The following SYN3 variants were observed in gnomAD, a reference collection of about 807,000 sequenced individuals.
SYN3 encodes synapsin III.
Under a neutral mutation model 65.8 loss-of-function variants are expected in SYN3, and 35 were observed. That is an observed-to-expected ratio of 0.53 (90% confidence interval 0.41 to 0.70). The LOEUF (loss-of-function observed/expected upper bound fraction) is 0.70. Among genes scored for constraint, SYN3 ranks in the 30% least tolerant of loss-of-function variants. The probability of loss-of-function intolerance (pLI) is 0.00; values close to 1 mark genes in which losing one functional copy is unlikely to be tolerated. For synonymous variants in SYN3, 270 were observed against 292.9 expected, an observed-to-expected ratio of 0.92 and a Z score of 0.80; for missense variants, 680 against 749.0, an observed-to-expected ratio of 0.91 and a Z score of 1.08.
intron 6 of SYN3, among the ~76,000 whole-genome samples, chr22:32,660,147 G>C (rs1301568538): frequency 2.0e-5 from 3 of 152,152 alleles, no homozygotes; most frequent in African/African-American, 4.8e-5. Context: ...TGCTGCTAGA[G>C]GCTATGAGAG....
intron 4 of SYN3, among the ~76,000 whole-genome samples, chr22:32,901,182 A>C (rs2146526969): frequency 6.6e-6 from 1 of 152,370 alleles, no homozygotes; most frequent in African/African-American, 2.4e-5. Context: ...AACATTGACT[A>C]ATACACAGTT....
chr22:32,679,207 C>T (rs1414032848), intron 6 of SYN3, among the ~76,000 whole-genome samples: 3 of 151,960 alleles, frequency 2.0e-5, no homozygotes, highest in African/African-American at 7.3e-5. Flanking sequence ...CACCCACAAC[C>T]ACATCCAGCT....
At chr22:32,776,952 C>T (rs1359145446) in intron 6 of SYN3, among the ~76,000 whole-genome samples, 1 of 152,140 alleles carries the variant, frequency 6.6e-6, no homozygotes, top group South Asian at 2.1e-4. Context: ...CGTGGGTGAA[C>T]TCACAGATGT....
At chr22:32,827,017 C>G (rs1455029867) in intron 6 of SYN3, among the ~76,000 whole-genome samples, 1 of 152,192 alleles carries the variant, frequency 6.6e-6, no homozygotes, top group Non-Finnish European at 1.5e-5. Flanking sequence ...CCCTGCTGCT[C>G]TGAGCACTGA....
Position 32,513,507 on chromosome 22 carries a change from G to A in SYN3, c.*185C>T. The stretch of plus-strand genomic sequence containing the variant: ...GCCCACCTCACAGTCAGACAATGCT[G>A]GAATGTCACGGTGAAGGAAAATGGG... On this transcript the variant is annotated 3_prime_UTR_variant, in exon 14 of 14. Coordinates refer to ENST00000358763, the MANE Select transcript of SYN3 (RefSeq NM_003490.4). The A allele has an allele frequency of 1.3e-6, 1 of 782,614 alleles. No homozygotes were observed. The highest frequency in any genetic ancestry group is 2.8e-5 in the East Asian group (1 of 35,394). The allele number at this position is 782,614 out of a possible 1,614,324, so 48.5% of individuals were successfully genotyped here.
intron 6 of SYN3, among the ~76,000 whole-genome samples, chr22:32,729,188 C>T (rs1472936015): frequency 6.6e-6 from 1 of 152,242 alleles, no homozygotes; most frequent in Non-Finnish European, 1.5e-5. Flanking sequence ...AGAACAGGGA[C>T]CTCTCATTCT....
chr22:32,522,770 A>C (rs1364856844), intron 12 of SYN3, among the ~76,000 whole-genome samples: 1 of 152,120 alleles, frequency 6.6e-6, no homozygotes. Context: ...ATGGACAAGC[A>C]CCCCATCCTT....
chr22:32,938,593 T>C (rs1292791998), intron 3 of SYN3, among the ~76,000 whole-genome samples: 1 of 151,144 alleles, frequency 6.6e-6, no homozygotes, highest in African/African-American at 2.4e-5. Context: ...AAAACAACTG[T>C]CGGTATGGAA....
chr22:32,587,222 C>CAAAAAAA (rs11341864), intron 7 of SYN3, among the ~76,000 whole-genome samples: 1 of 86,434 alleles, frequency 1.2e-5, no homozygotes, highest in Non-Finnish European at 2.3e-5. Context: ...GCTCTTATCT[C>CAAAAAAA]AAAAAAAAAA....
intron 4 of SYN3, among the ~76,000 whole-genome samples, chr22:32,913,836 T>C (rs540149099): frequency 6.6e-6 from 1 of 152,346 alleles, no homozygotes; most frequent in Admixed American, 6.5e-5. Flanking sequence ...CAGGTCTCAC[T>C]GTTTATTGGC....
intron 4 of SYN3, among the ~76,000 whole-genome samples, chr22:32,922,103 T>C (rs1481852269): frequency 1.3e-5 from 2 of 152,226 alleles, no homozygotes; most frequent in Non-Finnish European, 2.9e-5. Context: ...CTTTTCCTTG[T>C]TCCCCACCTA....
intron 4 of SYN3, among the ~76,000 whole-genome samples, chr22:32,889,882 T>C (rs1401564746): frequency 6.6e-6 from 1 of 152,038 alleles, no homozygotes; most frequent in Non-Finnish European, 1.5e-5. Context: ...AATCAAAGGC[T>C]TTGAATGTAT....
chr22:32,679,839 C>CTTTTTTTTTTTTTGTTTTTTTTTTTT (rs2060498062), intron 6 of SYN3, among the ~76,000 whole-genome samples: 1 of 39,150 alleles, frequency 2.6e-5, no homozygotes, highest in African/African-American at 9.1e-5. Context: ...TGTTTTTTGG[C>CTTTTTTTTTTTTTGTTTTTTTTTTTT]TTTTTTTTTT....
At chr22:33,051,854 G>C (rs1323682749) in intron 1 of SYN3, among the ~76,000 whole-genome samples, 1 of 152,152 alleles carries the variant, frequency 6.6e-6, no homozygotes, top group Non-Finnish European at 1.5e-5. Context: ...ATTAGAAGTG[G>C]TTTCAGAGAT....
At chr22:32,521,916 T>C (rs1258983963) in intron 12 of SYN3, among the ~76,000 whole-genome samples, 1 of 152,252 alleles carries the variant, frequency 6.6e-6, no homozygotes, top group East Asian at 1.9e-4. Flanking sequence ...TAACTCTTTG[T>C]TGAGTCCCTA....
intron 7 of SYN3, among the ~76,000 whole-genome samples, chr22:32,586,043 T>C (rs920342689): frequency 2.9e-5 from 4 of 139,538 alleles, no homozygotes; most frequent in South Asian, 2.2e-4. Flanking sequence ...TATATGTATA[T>C]GTATATATGT....
At chr22:32,547,932 T>C (rs1241543888) in intron 7 of SYN3, among the ~76,000 whole-genome samples, 2 of 152,208 alleles carry the variant, frequency 1.3e-5, no homozygotes, top group Non-Finnish European at 2.9e-5. Context: ...TGGCCCTCGT[T>C]ATTCTATGGA....
intron 6 of SYN3, among the ~76,000 whole-genome samples, chr22:32,719,982 T>C (rs955034730): frequency 5.3e-5 from 8 of 152,324 alleles, no homozygotes; most frequent in South Asian, 2.1e-4. Context: ...CTGCTGACAA[T>C]TGGATCCCAG....
chr22:32,965,145 G>A (rs2051789242), intron 3 of SYN3, among the ~76,000 whole-genome samples: 1 of 152,202 alleles, frequency 6.6e-6, no homozygotes, highest in Non-Finnish European at 1.5e-5. Flanking sequence ...ACTCTGTGGG[G>A]TGGTGATGAA....
Sources: allele counts gnomAD v4.1 joint callset (sites outside exome capture counted in the v4.1 genomes callset), GRCh38; gene constraint gnomAD v4.1.1; transcripts MANE v1.5; gene names NCBI Gene and HGNC (gene_info 2026-07-23, HGNC 2026-07-21).